KIAA1549: variants seen among roughly 807,000 people sequenced by gnomAD.
The protein encoded by KIAA1549 is UPF0606 protein KIAA1549.
Under a neutral mutation model 156.4 loss-of-function variants are expected in KIAA1549, and 70 were observed. The observed-to-expected ratio is 0.45, with a 90% CI of 0.37 to 0.55. The LOEUF is 0.55. Ranked by LOEUF, KIAA1549 falls within the 20% of genes least tolerant of loss-of-function variation. The pLI, the probability that KIAA1549 is intolerant of heterozygous loss-of-function variation, is 0.00. For synonymous variants in KIAA1549, 1,103 were observed against 1,066.4 expected (o/e 1.03, Z -0.67); for missense variants, 2,428 against 2,540.9 (o/e 0.96, Z 0.96).
intron 1 of KIAA1549, among the ~76,000 whole-genome samples, chr7:138,961,401 C>T (rs56275019): frequency 0.052 from 7,926 of 152,106 alleles, 229 homozygotes; most frequent in Middle Eastern, 0.092. Context: ...CTATTAGGCT[C>T]CTACCGTGGG....
intron 1 of KIAA1549, among the ~76,000 whole-genome samples, chr7:138,979,664 C>T (rs1814484986): frequency 6.6e-6 from 1 of 152,226 alleles, no homozygotes; most frequent in Non-Finnish European, 1.5e-5. Flanking sequence ...ATGATCTCTT[C>T]TCCTCTGGAC....
chr7:138,843,224 T>C (rs1328633927), intron 18 of KIAA1549, among the ~76,000 whole-genome samples: 1 of 152,234 alleles, frequency 6.6e-6, no homozygotes, highest in East Asian at 1.9e-4. Flanking sequence ...ATGAAGAAAC[T>C]GGATGCTAAC....
At position 138,894,887 on chromosome 7, in the gene KIAA1549, CA is replaced by C. The variant is rs535232156; in HGVS notation, c.3848-362del. Among the ~76,000 whole-genome samples the C allele has an allele frequency of 2.9e-3, 445 of 152,248 alleles. 1 individual carries two copies. Among genetic ancestry groups the C allele is most frequent in the African/African-American group, 0.01 (421 of 41,524 alleles). ...AAAACTGGTTCTGCACAACTTTGTA[CA>C]AAGGCAGTTCTCTTCAAAAGTGGAG... On this transcript the variant is annotated intron_variant, in intron 9 of 19. Transcript: ENST00000422774.
chr7:138,902,461 G>T (rs1367226158), intron 8 of KIAA1549, among the ~76,000 whole-genome samples: 1 of 152,042 alleles, frequency 6.6e-6, no homozygotes, highest in African/African-American at 2.4e-5. Context: ...CATTTTCATA[G>T]TTCAACAAGT....
intron 18 of KIAA1549, among the ~76,000 whole-genome samples, chr7:138,842,696 A>G (rs1809959700): frequency 6.6e-6 from 1 of 151,534 alleles, no homozygotes; most frequent in South Asian, 2.1e-4. Flanking sequence ...TCTGTCTCAA[A>G]AAAAAAAAAA....
intron 16 of KIAA1549, among the ~76,000 whole-genome samples, chr7:138,854,454 C>A (rs1247109512): frequency 6.6e-6 from 1 of 151,784 alleles, no homozygotes; most frequent in Non-Finnish European, 1.5e-5. Flanking sequence ...CCTACCCTCG[C>A]AAAAAAGGAG....
Position 138,918,003 on chromosome 7 carries a change from C to T in KIAA1549, c.1623G>A (p.Leu541=), listed in dbSNP as rs1479517344. The change falls in exon 2 of 20, where the codon TTG becomes TTA. Residue 541 remains leucine (L), a synonymous_variant. Coordinates refer to ENST00000422774, the MANE Select transcript of KIAA1549 (RefSeq NM_001164665.2). This position sits in a 1 kb window ranked among gnomAD's most constrained non-coding sequence, Gnocchi z 4.2. The part of the protein sequence containing the change: ...PASLDPTAGS[L]SVAETQVTPS... ...GCGTCACTTGGGTTTCAGCAACAGA[C>T]AAGGAGCCAGCAGTAGGATCAAGTG... is the stretch of plus-strand genomic sequence containing the variant. The T allele has an allele frequency of 1.2e-6, 2 of 1,601,714 alleles. No individual in the cohort carries two copies. Among genetic ancestry groups the T allele is most frequent in the Non-Finnish European group, 1.7e-6 (2 of 1,174,162 alleles).
At chr7:138,904,556 A>G (rs138936669) in intron 7 of KIAA1549, among the ~76,000 whole-genome samples, 19 of 150,408 alleles carry the variant, frequency 1.3e-4, no homozygotes, top group Non-Finnish European at 2.2e-4. Context: ...ACTTTTGTGC[A>G]CTAGGTTAGA....
rs375115953 is a variant in KIAA1549, at chr7:138,906,928, T to C, written c.3451A>G (p.Ile1151Val). 13 of 1,595,976 alleles carry C rather than the reference T, an allele frequency of 8.1e-6. No individual in the cohort carries two copies. The highest frequency in any genetic ancestry group is 2.7e-5 in the African/African-American group (2 of 74,234). Residue 1151 changes from isoleucine to valine, a missense_variant, in exon 6 of 20, where the codon ATC becomes GTC. Around this residue, in one of 5 missense-constraint regions of KIAA1549, gnomAD observed 762 missense variants for 901.6 expected, o/e 0.85. Coordinates refer to ENST00000422774, the MANE Select transcript of KIAA1549 (RefSeq NM_001164665.2). ...AGAGGGCTGTACTCACGCTCTGCGA[T>C]CTGCAGCACTGGGTATCCCAGATAG... ...SFYLGYPVLQ[I>V]AEPFQYPQLN...
chr7:138,869,561 G>A lies in KIAA1549; in HGVS notation c.4752C>T (p.Ser1584=), dbSNP rs1026839471. Reference sequence around the variant, plus strand: ...ACCTCTTCCTGGGCTCTATGAACACGGAGGGCACGCTGGCCGTGGGGTCCA... The same window carrying A: ...ACCTCTTCCTGGGCTCTATGAACACAGAGGGCACGCTGGCCGTGGGGTCCA... ...KILDPTASVP[S]VFIEPRKSSR... The change falls in exon 14 of 20, where the codon TCC becomes TCT. Residue 1584 remains serine, a synonymous_variant. Coordinates refer to ENST00000422774, the MANE Select transcript of KIAA1549 (RefSeq NM_001164665.2). 9 of 1,579,686 alleles carry A rather than the reference G, an allele frequency of 5.7e-6. No homozygotes were observed. Among genetic ancestry groups the A allele is most frequent in the South Asian group, 2.3e-5 (2 of 86,238 alleles).
chr7:138,906,409 G>C (rs182186144), intron 6 of KIAA1549, among the ~76,000 whole-genome samples: 6 of 152,308 alleles, frequency 3.9e-5, no homozygotes, highest in South Asian at 2.1e-4. Flanking sequence ...TGTGCTGGGG[G>C]ATGCTGATAA....
chr7:138,963,137 A>G (rs1813905190), intron 1 of KIAA1549, among the ~76,000 whole-genome samples: 1 of 152,260 alleles, frequency 6.6e-6, no homozygotes, highest in Non-Finnish European at 1.5e-5. Context: ...AGTCATGCAG[A>G]CATGTGGGCA....
intron 6 of KIAA1549, 81 bp from the exon 7 acceptor site, chr7:138,905,162 G>A (rs1811972192): frequency 1.2e-5 from 11 of 925,584 alleles, no homozygotes; most frequent in Admixed American, 1.0e-4. Flanking sequence ...CCAACACATC[G>A]TCTTTACTAT....
At chr7:138,890,888 G>C (rs1037932812) in intron 10 of KIAA1549, among the ~76,000 whole-genome samples, 1 of 152,086 alleles carries the variant, frequency 6.6e-6, no homozygotes, top group Non-Finnish European at 1.5e-5. Flanking sequence ...AACCCCCCAG[G>C]GCCTGGCTCT....
chr7:138,903,850 TGTGC>T (rs1292139577), intron 7 of KIAA1549, 114 bp from the exon 8 acceptor site: 441 of 368,080 alleles, frequency 1.2e-3, no homozygotes, highest in Admixed American at 2.2e-3. Context: ...TGTGTGTGTG[TGTGC>T]GCGCGCGCGC....
At chr7:138,940,736 G>A (rs1336539862) in intron 1 of KIAA1549, among the ~76,000 whole-genome samples, 6 of 152,148 alleles carry the variant, frequency 3.9e-5, no homozygotes, top group Non-Finnish European at 5.9e-5. Flanking sequence ...ATCTCATTGT[G>A]GTTTTGATTT....
At chr7:138,864,221 A>C (rs1425558648) in intron 15 of KIAA1549, among the ~76,000 whole-genome samples, 1 of 152,220 alleles carries the variant, frequency 6.6e-6, no homozygotes, top group Non-Finnish European at 1.5e-5. Flanking sequence ...CTGAGATTCC[A>C]CTGTGGGAAA....
rs535240363 is a variant in KIAA1549 at position 138,843,272 on chromosome 7, T to C, written c.5452+1045A>G. 3.9e-5 allele frequency among the ~76,000 whole-genome samples: 6 copies of C among 152,316 alleles called. No homozygotes were observed. The East Asian group carries it at 1.2e-3, about 29-fold the overall frequency. The stretch of plus-strand genomic sequence containing the variant: ...CATTATTATAAAAATAATTTCATGA[T>C]TGAAATGGTGCATTATGGTGTTAAT... On this transcript the variant is annotated intron_variant, in intron 18 of 19. Transcript: ENST00000422774.
At chr7:138,967,385 T>C (rs1321681828) in intron 1 of KIAA1549, among the ~76,000 whole-genome samples, 1 of 152,162 alleles carries the variant, frequency 6.6e-6, no homozygotes, top group Non-Finnish European at 1.5e-5. Flanking sequence ...AGCAGAGACC[T>C]GAAGGAAGGG....
Sources: allele counts gnomAD v4.1 joint callset (sites outside exome capture counted in the v4.1 genomes callset), GRCh38; gene constraint gnomAD v4.1.1; regional missense constraint gnomAD v4.1.1; non-coding constraint Gnocchi (gnomAD v3.1); transcripts MANE v1.5; gene names NCBI Gene and HGNC (gene_info 2026-07-23, HGNC 2026-07-21).